The following SPATS2 variants were observed in gnomAD, a reference collection of about 807,000 sequenced individuals.
SPATS2 encodes spermatogenesis-associated serine-rich protein 2.
SPATS2 carries 38 observed loss-of-function variants against 63.7 expected under a neutral mutation model. The ratio of observed to expected loss-of-function variants is 0.60; its 90% CI spans 0.46 to 0.78. The LOEUF is 0.78. SPATS2 is among the 30% of genes least tolerant of loss of function. The pLI, the probability that SPATS2 is intolerant of heterozygous loss-of-function variation, is 0.00. For synonymous variants in SPATS2, 207 were observed against 232.9 expected, an observed-to-expected ratio of 0.89 and a Z score of 1.01; for missense variants, 588 against 666.2, an observed-to-expected ratio of 0.88 and a Z score of 1.29.
At chr12:49,485,898 T>TA (rs753040207) in intron 4 of SPATS2, among the ~76,000 whole-genome samples, 1 of 151,780 alleles carries the variant, frequency 6.6e-6, no homozygotes, top group East Asian at 1.9e-4. Context: ...TAGCTGGAAT[T>TA]ACAGGCATCT....
chr12:49,369,030 CTTTTTTTT>C (rs35158946), intron 1 of SPATS2, among the ~76,000 whole-genome samples: 9 of 102,596 alleles, frequency 8.8e-5, no homozygotes, highest in Middle Eastern at 5.7e-3. Context: ...CAATGTGCCT[CTTTTTTTT>C]TTTTTTTTTT....
At chr12:49,457,554 C>T (rs1945741367) in intron 2 of SPATS2, among the ~76,000 whole-genome samples, 3 of 152,104 alleles carry the variant, frequency 2.0e-5, no homozygotes. Flanking sequence ...CTTCCTCAGC[C>T]TCCCGAGTAG....
chr12:49,396,567 A>C (rs1391013461), intron 2 of SPATS2, among the ~76,000 whole-genome samples: 1 of 152,176 alleles, frequency 6.6e-6, no homozygotes, highest in Non-Finnish European at 1.5e-5. Context: ...CTTATTTATG[A>C]TAAAGTGTCA....
At chr12:49,392,912 C>T (rs990482657) in intron 2 of SPATS2, among the ~76,000 whole-genome samples, 2 of 151,900 alleles carry the variant, frequency 1.3e-5, no homozygotes, top group East Asian at 1.9e-4. Flanking sequence ...ATTAGCCAGG[C>T]GTGGTGGCAG....
intron 3 of SPATS2, among the ~76,000 whole-genome samples, chr12:49,468,096 CCTTCT>C: frequency 6.6e-6 from 1 of 150,760 alleles, no homozygotes; most frequent in East Asian, 1.9e-4. Flanking sequence ...TTCTCCTTTT[CCTTCT>C]CTTCTTTTTC....
At chr12:49,386,309 G>A (rs555684163) in intron 2 of SPATS2, among the ~76,000 whole-genome samples, 72 of 151,840 alleles carry the variant, frequency 4.7e-4, no homozygotes, top group Non-Finnish European at 8.2e-4. Context: ...GATTACAGGC[G>A]TGCGCCACCA....
At chr12:49,395,797 TG>T (rs1330530431) in intron 2 of SPATS2, among the ~76,000 whole-genome samples, 5 of 152,228 alleles carry the variant, frequency 3.3e-5, no homozygotes, top group Non-Finnish European at 7.3e-5. Context: ...ACAAATCTTT[TG>T]TTGTACAATA....
chr12:49,480,795 G>GT (rs536886677), intron 3 of SPATS2, among the ~76,000 whole-genome samples: 4,008 of 140,766 alleles, frequency 0.028, 55 homozygotes, highest in African/African-American at 0.047. Flanking sequence ...GTTGTTTTCT[G>GT]TTTTTTTTTT....
In SPATS2 at chr12:49,367,741, C is replaced by G. The variant is rs556103026; in HGVS notation, c.-307+154C>G. Among the ~76,000 whole-genome samples, 6 of 150,680 alleles carry G rather than the reference C, an allele frequency of 4.0e-5. No homozygotes were observed. In the South Asian group the frequency reaches 1.3e-3, roughly 32 times the overall value. Reference sequence around the variant, plus strand: ...GTGAGCCCTTAGAGGCCCGAAGTGCCCAGAGGGTGGAAGGTTCCTGGGGTC... The same window carrying G: ...GTGAGCCCTTAGAGGCCCGAAGTGCGCAGAGGGTGGAAGGTTCCTGGGGTC... On this transcript the variant is annotated intron_variant, in intron 1 of 13. Transcript: ENST00000552918.
intron 2 of SPATS2, among the ~76,000 whole-genome samples, chr12:49,383,113 G>C (rs1944251423): frequency 1.3e-5 from 2 of 151,894 alleles, no homozygotes; most frequent in South Asian, 4.1e-4. Flanking sequence ...CGCCTCCCGG[G>C]TTCAAGCGAT....
At chr12:49,404,433 C>G (rs1343106114) in intron 2 of SPATS2, among the ~76,000 whole-genome samples, 1 of 151,924 alleles carries the variant, frequency 6.6e-6, no homozygotes, top group African/African-American at 2.4e-5. Context: ...ACCACAGGTG[C>G]ATGCCACTAT....
chr12:49,518,687 C>T (rs1451679925), intron 10 of SPATS2, among the ~76,000 whole-genome samples: 2 of 152,168 alleles, frequency 1.3e-5, no homozygotes, highest in Admixed American at 6.5e-5. Context: ...GGTGAACAGT[C>T]GTTTCCCCTG....
chr12:49,475,987 T>C (rs367702363), intron 3 of SPATS2, among the ~76,000 whole-genome samples: 1 of 151,970 alleles, frequency 6.6e-6, no homozygotes, highest in Admixed American at 6.6e-5. Context: ...TTAAATGATA[T>C]GGAAGGGTGG....
intron 2 of SPATS2, among the ~76,000 whole-genome samples, chr12:49,438,766 A>C (rs1019887593): frequency 6.6e-6 from 1 of 152,230 alleles, no homozygotes; most frequent in Admixed American, 6.5e-5. Context: ...ACCTTGTTAT[A>C]TAACCCTCAT....
chr12:49,441,477 T>C (rs1945418104), intron 2 of SPATS2, among the ~76,000 whole-genome samples: 3 of 152,214 alleles, frequency 2.0e-5, no homozygotes, highest in African/African-American at 4.8e-5. Flanking sequence ...CCCCCTCTTT[T>C]AGAAAGAGAA....
At chr12:49,496,305 G>A (rs1457220290) in intron 7 of SPATS2, among the ~76,000 whole-genome samples, 5 of 151,998 alleles carry the variant, frequency 3.3e-5, no homozygotes, top group African/African-American at 9.7e-5. Context: ...GAGAGACCTG[G>A]TCTCTCTCTG....
intron 13 of SPATS2, among the ~76,000 whole-genome samples, chr12:49,525,685 A>G (rs1947020387): frequency 6.6e-6 from 1 of 152,172 alleles, no homozygotes; most frequent in South Asian, 2.1e-4. Flanking sequence ...TTTCTTCCTT[A>G]TCTTTCTTCT....
chr12:49,424,757 A>G (rs937642395), intron 2 of SPATS2, among the ~76,000 whole-genome samples: 2 of 151,960 alleles, frequency 1.3e-5, no homozygotes, highest in African/African-American at 4.8e-5. Context: ...GCTCACTGCA[A>G]CCTCCGCCCC....
chr12:49,376,948 C>G lies in SPATS2; in HGVS notation c.-244+5658C>G, dbSNP rs1047195131. Among the ~76,000 whole-genome samples, 2 of 152,098 alleles carry G rather than the reference C, an allele frequency of 1.3e-5. 1 individual carries two copies. The highest frequency in any genetic ancestry group is 1.3e-4 in the Admixed American group (2 of 15,286). ...GGCCAGTTTGGTCTTGAACTCCTGA[C>G]CTTGTGATCCGCCTGCCTTGGTTTC... On this transcript the variant is annotated intron_variant, in intron 2 of 13. Transcript: ENST00000552918.
Sources: allele counts gnomAD v4.1 joint callset (sites outside exome capture counted in the v4.1 genomes callset), GRCh38; gene constraint gnomAD v4.1.1; transcripts MANE v1.5; gene names NCBI Gene and HGNC (gene_info 2026-07-23, HGNC 2026-07-21).